SYT1: variants seen among roughly 807,000 people sequenced by gnomAD.
SYT1 encodes synaptotagmin-1.
In SYT1, 8 loss-of-function variants were observed where a neutral mutation model predicts 44.8. The ratio of observed to expected loss-of-function variants is 0.18; its 90% CI spans 0.10 to 0.32. The LOEUF (loss-of-function observed/expected upper bound fraction) is 0.32. Among genes scored for constraint, SYT1 ranks in the 10% least tolerant of loss-of-function variants. The pLI, the probability that SYT1 is intolerant of heterozygous loss-of-function variation, is 1.00. For missense variants in SYT1, 286 were observed against 509.3 expected, an observed-to-expected ratio of 0.56 and a Z score of 4.22; for synonymous variants, 154 against 188.8, an observed-to-expected ratio of 0.82 and a Z score of 1.51.
At chr12:78,879,041 C>T (rs1045551517) in intron 1 of SYT1, among the ~76,000 whole-genome samples, 2 of 151,678 alleles carry the variant, frequency 1.3e-5, no homozygotes, top group African/African-American at 4.8e-5. Flanking sequence ...CAGACCCAGT[C>T]ACGTGGCTCC....
At chr12:79,357,126 A>G (rs777450428) in intron 9 of SYT1, among the ~76,000 whole-genome samples, 6 of 152,210 alleles carry the variant, frequency 3.9e-5, no homozygotes, top group Admixed American at 1.3e-4. Flanking sequence ...GCTCTCCAAC[A>G]AGGTTATTTC....
intron 2 of SYT1, among the ~76,000 whole-genome samples, chr12:79,042,831 G>A (rs890733634): frequency 3.3e-5 from 5 of 151,500 alleles, no homozygotes; most frequent in Non-Finnish European, 7.4e-5. Flanking sequence ...TTGTGTCTTT[G>A]TTCTCATTGG....
intron 8 of SYT1, among the ~76,000 whole-genome samples, chr12:79,315,071 T>C (rs11113673): frequency 0.25 from 38,106 of 152,108 alleles, 5,445 homozygotes; most frequent in East Asian, 0.47. Context: ...CAATGATGGT[T>C]ACATAACCCA....
intron 4 of SYT1, among the ~76,000 whole-genome samples, chr12:79,231,923 G>A (rs1415227063): frequency 1.3e-5 from 2 of 152,028 alleles, no homozygotes; most frequent in African/African-American, 2.4e-5. Context: ...GCAACTAACC[G>A]AGGTTCAGGA....
At chr12:79,397,035 T>C (rs1884896064) in intron 9 of SYT1, among the ~76,000 whole-genome samples, 1 of 152,162 alleles carries the variant, frequency 6.6e-6, no homozygotes, top group Non-Finnish European at 1.5e-5. Context: ...GCTAAGGTCC[T>C]GAGATGGGAA....
At chr12:79,157,870 A>G (rs754309326) in intron 3 of SYT1, among the ~76,000 whole-genome samples, 1 of 152,168 alleles carries the variant, frequency 6.6e-6, no homozygotes, top group Non-Finnish European at 1.5e-5. Context: ...AAAATAAAGC[A>G]CAGAGAGGTT....
At chr12:79,210,318 G>C (rs1874363939) in intron 3 of SYT1, among the ~76,000 whole-genome samples, 1 of 151,336 alleles carries the variant, frequency 6.6e-6, no homozygotes, top group East Asian at 1.9e-4. Context: ...AAGTTCCTTA[G>C]TGGTGATTTG....
intron 3 of SYT1, among the ~76,000 whole-genome samples, chr12:79,105,266 T>C (rs1209876274): frequency 6.6e-6 from 1 of 152,156 alleles, no homozygotes; most frequent in African/African-American, 2.4e-5. Flanking sequence ...CAGCTTCCCA[T>C]GTGTGATGAG....
At chr12:79,032,621 G>T (rs1408435920) in intron 2 of SYT1, among the ~76,000 whole-genome samples, 1 of 151,282 alleles carries the variant, frequency 6.6e-6, no homozygotes, top group African/African-American at 2.4e-5. Flanking sequence ...TCATTATGTT[G>T]ACATTTTAGG....
Position 78,894,330 on chromosome 12 carries a change from G to GTTT in SYT1, c.-217+29254_-217+29256dup, listed in dbSNP as rs566175647. On this transcript the variant is annotated intron_variant, in intron 1 of 10. Coordinates refer to ENST00000261205, the MANE Select transcript of SYT1 (RefSeq NM_005639.3). ...AATTTATGATTGTGTTTTTTAATCT[G>GTTT]TTTTTTTTTTTTTTTTTTTTTTTTT... 8.7e-4 allele frequency among the ~76,000 whole-genome samples: 24 copies of GTTT among 27,726 alleles called. 7 individuals are homozygous for GTTT. The highest frequency in any genetic ancestry group is 3.5e-3 in the East Asian group (2 of 564). 18.2% of individuals were successfully genotyped at this position (27,726 alleles called of 152,430 possible).
At chr12:79,056,996 C>G (rs941449989) in intron 3 of SYT1, among the ~76,000 whole-genome samples, 1 of 151,988 alleles carries the variant, frequency 6.6e-6, no homozygotes, top group African/African-American at 2.4e-5. Context: ...AATCCTAACA[C>G]CACTTCTCCT....
chr12:79,372,275 A>G (rs1883820921), intron 9 of SYT1, among the ~76,000 whole-genome samples: 1 of 152,218 alleles, frequency 6.6e-6, no homozygotes, highest in South Asian at 2.1e-4. Flanking sequence ...TAGTTCACTT[A>G]ATCCCCAGTG....
chr12:78,952,971 A>G (rs973546659), intron 1 of SYT1, among the ~76,000 whole-genome samples: 1 of 152,152 alleles, frequency 6.6e-6, no homozygotes, highest in African/African-American at 2.4e-5. Context: ...GAAAACCAAG[A>G]GGGCAAAATT....
chr12:78,948,817 TG>T (rs1878805564), intron 1 of SYT1, among the ~76,000 whole-genome samples: 1 of 151,770 alleles, frequency 6.6e-6, no homozygotes, highest in African/African-American at 2.4e-5. Context: ...ACTTGCATAG[TG>T]TCCATGGAGA....
intron 1 of SYT1, among the ~76,000 whole-genome samples, chr12:78,873,334 G>A (rs1873916742): frequency 6.6e-6 from 1 of 151,598 alleles, no homozygotes; most frequent in Non-Finnish European, 1.5e-5. Flanking sequence ...TTGAGTATAA[G>A]ATACATAGTC....
intron 6 of SYT1, 120 bp from the exon 7 acceptor site, chr12:79,295,948 AG>A: frequency 8.8e-7 from 1 of 1,133,324 alleles, no homozygotes. Flanking sequence ...AGAGAATCAG[AG>A]TTTTATTAAA....
At chr12:79,213,316 TA>T (rs1874576329) in intron 3 of SYT1, among the ~76,000 whole-genome samples, 1 of 152,116 alleles carries the variant, frequency 6.6e-6, no homozygotes, top group African/African-American at 2.4e-5. Context: ...AAAACAGGAT[TA>T]TATTGGATAC....
At chr12:78,907,275 G>A (rs1185098953) in intron 1 of SYT1, among the ~76,000 whole-genome samples, 1 of 151,938 alleles carries the variant, frequency 6.6e-6, no homozygotes, top group Middle Eastern at 3.2e-3. Context: ...TGTCAAAATA[G>A]GATGCCTGCA....
At chr12:78,893,429 A>C (rs577014317) in intron 1 of SYT1, among the ~76,000 whole-genome samples, 4 of 151,880 alleles carry the variant, frequency 2.6e-5, no homozygotes, top group Non-Finnish European at 5.9e-5. Context: ...TTTCAAAGCC[A>C]ACTCACCTAG....
Sources: gnomAD v4.1 joint callset for allele counts (sites outside exome capture counted in the v4.1 genomes callset) on GRCh38, gnomAD v4.1.1 for gene constraint, MANE v1.5 for transcripts, NCBI Gene and HGNC (gene_info 2026-07-23, HGNC 2026-07-21) for gene names.